Variants in CBFA2T2 observed in about 807,000 individuals in gnomAD.
The protein encoded by CBFA2T2 is protein CBFA2T2.
A neutral mutation model predicts 62.2 loss-of-function variants in CBFA2T2; 11 were observed. The ratio of observed to expected loss-of-function variants is 0.18; its 90% CI spans 0.11 to 0.29. The LOEUF is 0.29. Among genes scored for constraint, CBFA2T2 ranks in the 10% least tolerant of loss-of-function variants. CBFA2T2 has a pLI of 1.00. For missense variants in CBFA2T2, 592 were observed against 774.1 expected (o/e 0.76, Z 2.79); for synonymous variants, 295 against 287.5 (o/e 1.03, Z -0.27).
At position 33,605,248 on chromosome 20, in the gene CBFA2T2, C is replaced by G. The variant is rs1411836782; in HGVS notation, c.35-1708C>G. On this transcript the variant is annotated intron_variant, in intron 1 of 10. Transcript: ENST00000342704. ...TCGTGAACACTCTTGTATGTATTGT[C>G]TTTATAGCTGTGCTCTCACAGAAGG... Among the ~76,000 whole-genome samples the G allele has an allele frequency of 2.6e-5, 4 of 152,314 alleles. No individual in the cohort carries two copies. In the East Asian group the frequency reaches 7.7e-4, roughly 29 times the overall value.
intron 1 of CBFA2T2, among the ~76,000 whole-genome samples, chr20:33,564,036 C>T (rs7268991): frequency 0.022 from 3,382 of 152,236 alleles, 119 homozygotes; most frequent in African/African-American, 0.077. Context: ...TCCCCCCACT[C>T]CGCGACCTCC....
intron 1 of CBFA2T2, among the ~76,000 whole-genome samples, chr20:33,572,018 G>A (rs1274326655): frequency 1.3e-5 from 2 of 152,210 alleles, no homozygotes; most frequent in Non-Finnish European, 2.9e-5. Context: ...AGCCTCCAGA[G>A]TAGCTGGGAC....
intron 1 of CBFA2T2, among the ~76,000 whole-genome samples, chr20:33,554,248 C>CTTTTTTTTTTTTTTTTTTTTT (rs1300197608): frequency 1.4e-5 from 2 of 146,516 alleles, no homozygotes. Flanking sequence ...ATTTTTCTTA[C>CTTTTTTTTTTTTTTTTTTTTT]TTTTTTCTTT....
intron 1 of CBFA2T2, among the ~76,000 whole-genome samples, chr20:33,517,876 C>T (rs2011630152): frequency 1.3e-5 from 2 of 151,846 alleles, no homozygotes; most frequent in Non-Finnish European, 2.9e-5. Flanking sequence ...AAACTCCTGA[C>T]CTTGTGATCC....
At chr20:33,497,944 A>G (rs1254854809) in intron 1 of CBFA2T2, among the ~76,000 whole-genome samples, 1 of 152,156 alleles carries the variant, frequency 6.6e-6, no homozygotes, top group Non-Finnish European at 1.5e-5. Context: ...TGGACTCCCA[A>G]AATGCTAGGA....
At chr20:33,595,472 A>G (rs890399886) in intron 1 of CBFA2T2, among the ~76,000 whole-genome samples, 1 of 152,148 alleles carries the variant, frequency 6.6e-6, no homozygotes, top group African/African-American at 2.4e-5. Context: ...GGCCTCCCAA[A>G]GTGCTGGGAT....
intron 1 of CBFA2T2, among the ~76,000 whole-genome samples, chr20:33,527,833 C>T (rs2011932995): frequency 6.6e-6 from 1 of 151,998 alleles, no homozygotes; most frequent in South Asian, 2.1e-4. Flanking sequence ...TGTCAGCCTC[C>T]ACTCCCAGCC....
intron 1 of CBFA2T2, among the ~76,000 whole-genome samples, chr20:33,518,920 C>G (rs896698788): frequency 6.6e-6 from 1 of 151,892 alleles, no homozygotes; most frequent in Non-Finnish European, 1.5e-5. Context: ...CTCCCGGGTT[C>G]AAGCGATTCT....
chr20:33,491,707 CTTT>C (rs772598025), intron 1 of CBFA2T2, among the ~76,000 whole-genome samples: 1 of 142,904 alleles, frequency 7.0e-6, no homozygotes, highest in Non-Finnish European at 1.5e-5. Context: ...AAATGAAAGG[CTTT>C]TTTTTTTTTG....
chr20:33,564,040 G>A (rs1402527514), intron 1 of CBFA2T2, among the ~76,000 whole-genome samples: 3 of 152,134 alleles, frequency 2.0e-5, no homozygotes, highest in South Asian at 2.1e-4. Flanking sequence ...CCCACTCCGC[G>A]ACCTCCCGCT....
chr20:33,623,033 A>G (rs893888661), intron 4 of CBFA2T2, 82 bp from the exon 5 acceptor site: 56 of 1,328,814 alleles, frequency 4.2e-5, no homozygotes, highest in Admixed American at 1.6e-4. Context: ...ATCTTGTATC[A>G]TCTGCTTTGT....
rs2017107140 is a variant in CBFA2T2 at position 33,647,848 on chromosome 20, C to A, written c.*3202C>A. The A allele has an allele frequency of 6.6e-6, 1 of 152,236 alleles. No individual in the cohort carries two copies. Among genetic ancestry groups the A allele is most frequent in the Non-Finnish European group, 1.5e-5 (1 of 68,060 alleles). 9.4% of individuals were successfully genotyped at this position (152,236 alleles called of 1,614,324 possible). A position where few individuals can be genotyped will look rare whatever the true frequency, so the allele number is the denominator to read the frequency against. The stretch of plus-strand genomic sequence containing the variant: ...CCAGAGGCTGATCTGCAAACCTGGG[C>A]AGTATTCCACACTGAAGCTCAGTTT... On this transcript the variant is annotated 3_prime_UTR_variant, in exon 11 of 11. Transcript: ENST00000342704.
intron 1 of CBFA2T2, among the ~76,000 whole-genome samples, chr20:33,514,558 G>T (rs2011568264): frequency 6.6e-6 from 1 of 152,042 alleles, no homozygotes; most frequent in Non-Finnish European, 1.5e-5. Context: ...TGTCAGGGAG[G>T]TAGATGGGGG....
chr20:33,592,101 G>A (rs1395083085), intron 1 of CBFA2T2, among the ~76,000 whole-genome samples: 1 of 152,140 alleles, frequency 6.6e-6, no homozygotes, highest in African/African-American at 2.4e-5. Flanking sequence ...AGTGGCTCAT[G>A]CCTGTTATCT....
rs551962470 is a variant in CBFA2T2 at position 33,607,127 on chromosome 20, T to C, written c.178+28T>C. 9.3e-5 allele frequency: 149 copies of C among 1,601,926 alleles called. 3 individuals carry two copies. In the South Asian group the frequency reaches 1.6e-3, roughly 17 times the overall value. On this transcript the variant is annotated intron_variant, in intron 2 of 10. Coordinates refer to ENST00000342704, the MANE Select transcript of CBFA2T2 (RefSeq NM_001032999.3). The stretch of plus-strand genomic sequence containing the variant: ...GAGACCTCTTAGTTACTTATGTTTG[T>C]AGTTCAGAGTGACATTTGGATCTAA...
At chr20:33,595,213 GA>G in intron 1 of CBFA2T2, among the ~76,000 whole-genome samples, 1 of 152,214 alleles carries the variant, frequency 6.6e-6, no homozygotes, top group East Asian at 1.9e-4. Flanking sequence ...TCTTACACTT[GA>G]AAAAATTTTT....
intron 1 of CBFA2T2, among the ~76,000 whole-genome samples, chr20:33,559,994 A>G (rs1180038063): frequency 1.3e-5 from 2 of 152,168 alleles, no homozygotes; most frequent in African/African-American, 4.8e-5. Context: ...TTTATTGGAA[A>G]ATGCTATTTA....
At chr20:33,630,329 A>G (rs1463540219) in intron 8 of CBFA2T2, among the ~76,000 whole-genome samples, 2 of 152,320 alleles carry the variant, frequency 1.3e-5, no homozygotes, top group East Asian at 3.9e-4. Flanking sequence ...TTAACTCTTT[A>G]CATATATGTG....
intron 1 of CBFA2T2, among the ~76,000 whole-genome samples, chr20:33,594,631 C>T (rs1183924590): frequency 6.6e-6 from 1 of 152,132 alleles, no homozygotes; most frequent in Admixed American, 6.5e-5. Context: ...AAGCCATTAA[C>T]TAGCTGTGTG....
Sources: allele counts gnomAD v4.1 joint callset (sites outside exome capture counted in the v4.1 genomes callset), GRCh38; gene constraint gnomAD v4.1.1; transcripts MANE v1.5; gene names NCBI Gene and HGNC (gene_info 2026-07-23, HGNC 2026-07-21).